The following ARK2C variants were observed in gnomAD, a reference collection of about 807,000 sequenced individuals.
ARK2C encodes arkadia (RNF111) C-terminal like ring finger ubiquitin ligase 2C.
chr18:46,405,555 A>G, the ARK2C span, among the ~76,000 whole-genome samples: 1 of 152,108 alleles, frequency 6.6e-6, no homozygotes, highest in Non-Finnish European at 1.5e-5. Context: ...GGTTGGAGAG[A>G]GAGGGCGAAG....
the ARK2C span, among the ~76,000 whole-genome samples, chr18:46,372,349 C>T: frequency 9.9e-5 from 15 of 152,226 alleles, no homozygotes; most frequent in Non-Finnish European, 1.9e-4. Context: ...CTCTTCCTGC[C>T]TCGGTCCCAC....
the ARK2C span, among the ~76,000 whole-genome samples, chr18:46,344,544 G>T: frequency 1.3e-5 from 2 of 152,162 alleles, no homozygotes; most frequent in Non-Finnish European, 2.9e-5. Flanking sequence ...CACCCCCAGC[G>T]TGGAGACACT....
At chr18:46,381,464 T>C in the ARK2C span, among the ~76,000 whole-genome samples, 3 of 152,212 alleles carry the variant, frequency 2.0e-5, no homozygotes, top group African/African-American at 7.2e-5. Context: ...GGGACATCCG[T>C]TGAGTCCCTG....
the ARK2C span, chr18:46,334,513 C>T: frequency 3.4e-5 from 17 of 501,780 alleles, no homozygotes; most frequent in African/African-American, 6.1e-5. This position sits in a 1 kb window ranked among gnomAD's most constrained non-coding sequence, Gnocchi z 4.4. Flanking sequence ...CGGCCGCCCT[C>T]GTGGGAGCTT....
the ARK2C span, chr18:46,450,271 A>G: frequency 1.3e-6 from 2 of 1,508,648 alleles, no homozygotes; most frequent in South Asian, 2.3e-5. Flanking sequence ...TCCTTGCTCT[A>G]TCCAAGGCGT....
chr18:46,394,759 C>A, the ARK2C span, among the ~76,000 whole-genome samples: 1 of 152,238 alleles, frequency 6.6e-6, no homozygotes, highest in African/African-American at 2.4e-5. Flanking sequence ...TCAAGGACGA[C>A]TGTGGATCCT....
the ARK2C span, among the ~76,000 whole-genome samples, chr18:46,369,791 T>C: frequency 2.6e-5 from 4 of 152,338 alleles, no homozygotes; most frequent in African/African-American, 7.2e-5. Context: ...AGTAAGACTT[T>C]GCATGCGCAT....
the ARK2C span, among the ~76,000 whole-genome samples, chr18:46,411,708 T>C: frequency 3.3e-5 from 5 of 152,194 alleles, no homozygotes; most frequent in Non-Finnish European, 7.3e-5. Context: ...GGTGAGGCCC[T>C]ACTGAAGGAA....
chr18:46,369,147 GT>G, the ARK2C span, among the ~76,000 whole-genome samples: 1 of 152,192 alleles, frequency 6.6e-6, no homozygotes, highest in Admixed American at 6.5e-5. Flanking sequence ...AAAAGGCCAT[GT>G]TTTTGTTTTC....
chr18:46,399,938 T>C, the ARK2C span, among the ~76,000 whole-genome samples: 1 of 152,188 alleles, frequency 6.6e-6, no homozygotes, highest in Non-Finnish European at 1.5e-5. Context: ...CATCTTCACA[T>C]GAAACCCTGC....
the ARK2C span, among the ~76,000 whole-genome samples, chr18:46,383,013 G>A: frequency 1.4e-4 from 21 of 152,240 alleles, no homozygotes; most frequent in Non-Finnish European, 2.9e-4. Context: ...GGAACCTCAT[G>A]CACCCCCTAG....
the ARK2C span, chr18:46,456,843 C>A: frequency 1.8e-6 from 1 of 547,130 alleles, no homozygotes. Flanking sequence ...GCGACTGTCC[C>A]CATCCGCCTG....
the ARK2C span, among the ~76,000 whole-genome samples, chr18:46,341,797 G>A: frequency 3.9e-5 from 6 of 152,154 alleles, no homozygotes; most frequent in Admixed American, 6.5e-5. Flanking sequence ...AACTCCTCCC[G>A]GAGTTGTACC....
At chr18:46,397,511 T>C in the ARK2C span, among the ~76,000 whole-genome samples, 2 of 88,608 alleles carry the variant, frequency 2.3e-5, 1 homozygote, top group South Asian at 8.4e-4. Flanking sequence ...TGTGTGGTCA[T>C]GCTGAGGTGT....
the ARK2C span, among the ~76,000 whole-genome samples, chr18:46,355,442 G>A: frequency 2.0e-5 from 3 of 152,122 alleles, no homozygotes; most frequent in African/African-American, 7.2e-5. Flanking sequence ...CTCTGGTGAG[G>A]ATCACAGGAG....
the ARK2C span, among the ~76,000 whole-genome samples, chr18:46,406,494 G>A: frequency 5.3e-3 from 813 of 152,352 alleles, 7 homozygotes; most frequent in African/African-American, 0.019. Flanking sequence ...GTGGAACACA[G>A]GTGGGAACTG....
the ARK2C span, among the ~76,000 whole-genome samples, chr18:46,358,119 G>A: frequency 6.6e-6 from 1 of 152,178 alleles, no homozygotes; most frequent in African/African-American, 2.4e-5. Context: ...AGGTACTGGG[G>A]ATTAGGACAT....
the ARK2C span, among the ~76,000 whole-genome samples, chr18:46,355,989 C>G: frequency 6.6e-6 from 1 of 152,158 alleles, no homozygotes; most frequent in African/African-American, 2.4e-5. Flanking sequence ...CTGGGCCAAG[C>G]CACCCGTCTG....
chr18:46,334,423 C>A, the ARK2C span: 1 of 1,177,248 alleles, frequency 8.5e-7, no homozygotes, highest in Non-Finnish European at 1.2e-6. This position sits in a 1 kb window ranked among gnomAD's most constrained non-coding sequence, Gnocchi z 4.4. Context: ...CGGCCGGGGG[C>A]TCAGGGCACA....
Sources: gnomAD v4.1 joint callset for allele counts (sites outside exome capture counted in the v4.1 genomes callset) on GRCh38, gnomAD v4.1.1 for gene constraint, Gnocchi (gnomAD v3.1) non-coding constraint, MANE v1.5 for transcripts, NCBI Gene and HGNC (gene_info 2026-07-23, HGNC 2026-07-21) for gene names.